HEBP1: variants seen among roughly 807,000 people sequenced by gnomAD.
HEBP1 encodes heme binding protein 1.
HEBP1 carries 13 observed loss-of-function variants against 20.4 expected under a neutral mutation model. The ratio of observed to expected loss-of-function variants is 0.64; its 90% CI spans 0.42 to 1.01. The LOEUF (loss-of-function observed/expected upper bound fraction) is 1.01. Among genes scored for constraint, HEBP1 ranks in the 50% least tolerant of loss-of-function variants. The pLI is 0.00. For synonymous variants in HEBP1, 92 were observed against 90.7 expected, an observed-to-expected ratio of 1.01 and a Z score of -0.08; for missense variants, 241 against 247.3, an observed-to-expected ratio of 0.97 and a Z score of 0.17.
intron 3 of HEBP1, chr12:12,984,017 T>C (rs1864119600): frequency 3.8e-6 from 1 of 264,540 alleles, no homozygotes; most frequent in Admixed American, 5.0e-5. Context: ...AAGAATAATA[T>C]CTGTAACAAA....
chr12:12,995,820 C>T (rs745745902), intron 1 of HEBP1, among the ~76,000 whole-genome samples: 13 of 152,184 alleles, frequency 8.5e-5, no homozygotes, highest in Non-Finnish European at 1.9e-4. Flanking sequence ...CTCCTTCACC[C>T]CATCTCCATT....
chr12:12,982,554 A>C (rs1338828994), intron 3 of HEBP1, among the ~76,000 whole-genome samples: 3 of 152,204 alleles, frequency 2.0e-5, no homozygotes, highest in African/African-American at 7.2e-5. Context: ...CAAGCTGCCA[A>C]TGGCCTCCAT....
chr12:12,983,869 C>T (rs750363077), intron 3 of HEBP1: 12 of 439,368 alleles, frequency 2.7e-5, no homozygotes, highest in Non-Finnish European at 5.0e-5. Context: ...GCAAGAAATG[C>T]TAAGATGTGC....
At chr12:12,987,382 C>T in intron 2 of HEBP1, 50 bp from the exon 3 acceptor site, 1 of 1,506,672 alleles carries the variant, frequency 6.6e-7, no homozygotes, top group Non-Finnish European at 9.1e-7. Context: ...ACAGAGCTTG[C>T]TCAGGGCTGT....
chr12:12,979,249 C>T (rs961061429), intron 3 of HEBP1, among the ~76,000 whole-genome samples: 3 of 152,120 alleles, frequency 2.0e-5, no homozygotes, highest in Non-Finnish European at 2.9e-5. Context: ...CCGGGAAAAC[C>T]CCCAATTCTT....
chr12:12,988,286 T>A (rs1265336364), intron 2 of HEBP1, among the ~76,000 whole-genome samples: 1 of 152,232 alleles, frequency 6.6e-6, no homozygotes, highest in Non-Finnish European at 1.5e-5. Flanking sequence ...TTTTCTTTAG[T>A]GAGTTTTATA....
chr12:12,981,529 A>G (rs890011074), intron 3 of HEBP1, among the ~76,000 whole-genome samples: 3 of 152,190 alleles, frequency 2.0e-5, no homozygotes, highest in Non-Finnish European at 4.4e-5. Context: ...GCTTTTGGAC[A>G]TGAGGTGGCT....
intron 3 of HEBP1, among the ~76,000 whole-genome samples, chr12:12,976,090 A>G (rs543123206): frequency 1.3e-5 from 2 of 151,754 alleles, no homozygotes; most frequent in Admixed American, 6.6e-5. Context: ...AAAAAAAAAA[A>G]AAAAAAAAAC....
intron 3 of HEBP1, chr12:12,978,958 A>C (rs1161387491): frequency 6.6e-6 from 1 of 152,246 alleles, no homozygotes; most frequent in Non-Finnish European, 1.5e-5. Flanking sequence ...ACAGAACTGG[A>C]GTCAGAGATA....
intron 1 of HEBP1, among the ~76,000 whole-genome samples, chr12:12,994,773 G>A (rs1440417272): frequency 6.6e-6 from 1 of 152,172 alleles, no homozygotes; most frequent in Non-Finnish European, 1.5e-5. Context: ...CCATTGGGTA[G>A]TTGGGCACAC....
chr12:12,977,925 A>G (rs1765557141), intron 3 of HEBP1, among the ~76,000 whole-genome samples: 1 of 152,204 alleles, frequency 6.6e-6, no homozygotes, highest in Non-Finnish European at 1.5e-5. Flanking sequence ...GTGCCTGAAT[A>G]TGTTGGACCC....
intron 3 of HEBP1, chr12:12,983,914 C>A: frequency 2.7e-6 from 1 of 371,018 alleles, no homozygotes; most frequent in Admixed American, 3.3e-5. Context: ...AGCCAGGGAG[C>A]CATCAACGAC....
chr12:12,989,146 G>A (rs1194613709), intron 2 of HEBP1, 131 bp downstream of exon 2: 1 of 927,168 alleles, frequency 1.1e-6, no homozygotes. Flanking sequence ...CACAGTGCAG[G>A]AGGTTCACAG....
intron 3 of HEBP1, chr12:12,977,485 G>A: frequency 6.6e-6 from 1 of 152,390 alleles, no homozygotes; most frequent in Non-Finnish European, 1.5e-5. Flanking sequence ...TGAGGCAGGA[G>A]GACTGATCAA....
rs1863959468 is a variant in HEBP1 at position 12,975,101 on chromosome 12, A to G, written c.*207T>C. The G allele has an allele frequency of 6.3e-6, 3 of 479,912 alleles. No homozygotes were observed. Among genetic ancestry groups the G allele is most frequent in the Non-Finnish European group, 1.1e-5 (3 of 272,390 alleles). The allele number at this position is 479,912 out of a possible 1,614,324, so 29.7% of individuals were successfully genotyped here. A position where few individuals can be genotyped will look rare whatever the true frequency, so the allele number is the denominator to read the frequency against. On this transcript the variant is annotated 3_prime_UTR_variant, in exon 4 of 4. Coordinates refer to ENST00000014930, the MANE Select transcript of HEBP1 (RefSeq NM_015987.5). ...TACATCAATGAGAAGGATGCTGCAT[A>G]TCTTGGCTGTATTATTTCCTACTGT... is the stretch of plus-strand genomic sequence containing the variant.
intron 1 of HEBP1, 52 bp downstream of exon 1, chr12:12,999,985 T>C: frequency 7.9e-7 from 1 of 1,272,928 alleles, no homozygotes; most frequent in Non-Finnish European, 1.1e-6. Context: ...CCGACGAGGG[T>C]GGGGGTGGGA....
At chr12:12,993,197 T>A (rs115416679) in intron 1 of HEBP1, among the ~76,000 whole-genome samples, 2,759 of 138,820 alleles carry the variant, frequency 0.02, 84 homozygotes, top group African/African-American at 0.068. Context: ...TTCTCTTTCT[T>A]ACAGGGTCTC....
Position 12,975,391 on chromosome 12 carries a change from C to T in HEBP1, c.487G>A (p.Gly163Arg). 1.2e-6 allele frequency: 2 copies of T among 1,613,878 alleles called. No individual in the cohort carries two copies. The highest frequency in any genetic ancestry group is 2.2e-5 in the East Asian group (1 of 44,834). ...TAACCCGTGCAGAAGTAGATGTCCC[C>T]CCGGTAGGTGGCTGTGCCCTCCAGG... is the stretch of plus-strand genomic sequence containing the variant. Reference protein sequence around the residue: ...AALEGTATYRGDIYFCTGYDP... With the variant: ...AALEGTATYRRDIYFCTGYDP... Residue 163 changes from glycine to arginine, a missense_variant, in exon 4 of 4, where the codon GGG (glycine) becomes AGG (arginine). Coordinates refer to ENST00000014930, the MANE Select transcript of HEBP1 (RefSeq NM_015987.5).
rs1476824787 is a variant in HEBP1, at chr12:13,000,083, C to G, written c.32G>C (p.Gly11Ala). Residue 11 changes from glycine (G) to alanine (A), a missense_variant, in exon 1 of 4, where the codon GGA becomes GCA. By Grantham distance (60) the Gly-to-Ala change is moderately conservative. Transcript: ENST00000014930. MLGMIKNSLF[G>A]SVETWPWQVL... ...CTGCCAAGGCCACGTCTCTACGCTT[C>G]CGAACAGCGAGTTCTTGATCATGCC... is the stretch of plus-strand genomic sequence containing the variant. 5 of 1,612,656 alleles carry G rather than the reference C, an allele frequency of 3.1e-6. No individual in the cohort carries two copies. The highest frequency in any genetic ancestry group is 1.6e-4 in the Middle Eastern group (1 of 6,080).
Sources: gnomAD v4.1 joint callset for allele counts (sites outside exome capture counted in the v4.1 genomes callset) on GRCh38, gnomAD v4.1.1 for gene constraint, MANE v1.5 for transcripts, NCBI Gene and HGNC (gene_info 2026-07-23, HGNC 2026-07-21) for gene names.